The following SMIM35 variants were observed in gnomAD, a reference collection of about 807,000 sequenced individuals.
SMIM35 encodes small integral membrane protein 35.
intron 1 of SMIM35, among the ~76,000 whole-genome samples, chr11:118,077,857 C>T (rs1270411827): frequency 6.6e-6 from 1 of 151,554 alleles, no homozygotes; most frequent in Non-Finnish European, 1.5e-5. Context: ...ACTAAAAATA[C>T]AAAAAATTAG....
chr11:118,080,081 T>C (rs611475), intron 1 of SMIM35, among the ~76,000 whole-genome samples: 27,069 of 152,148 alleles, frequency 0.18, 2,657 homozygotes, highest in East Asian at 0.41. Context: ...TAAATGGGGC[T>C]GGGGATTGGG....
At chr11:118,035,046 G>A (rs1037860731) in intron 1 of SMIM35, among the ~76,000 whole-genome samples, 2 of 151,866 alleles carry the variant, frequency 1.3e-5, no homozygotes, top group Admixed American at 1.3e-4. Context: ...CCAACTCCTG[G>A]GTTCAAGCGA....
intron 1 of SMIM35, among the ~76,000 whole-genome samples, chr11:118,068,736 T>A (rs1944524482): frequency 6.6e-6 from 1 of 152,120 alleles, no homozygotes; most frequent in Admixed American, 6.5e-5. Flanking sequence ...AGATGAAATC[T>A]ACTGGGAAAA....
At chr11:118,013,675 T>C (rs1206459560) in intron 4 of SMIM35, 73 bp downstream of exon 4, 1 of 396,254 alleles carries the variant, frequency 2.5e-6, no homozygotes, top group Non-Finnish European at 4.4e-6. Context: ...GTGCGAGGCT[T>C]GGGTGACTGG....
intron 1 of SMIM35, chr11:118,029,745 A>G (rs1224747042): frequency 2.2e-6 from 1 of 457,404 alleles, no homozygotes; most frequent in East Asian, 6.9e-5. Context: ...CACCAGCACC[A>G]GACTGCCAAA....
intron 1 of SMIM35, among the ~76,000 whole-genome samples, chr11:118,046,774 C>A (rs1014467102): frequency 6.6e-6 from 1 of 152,152 alleles, no homozygotes; most frequent in South Asian, 2.1e-4. Context: ...AGACTGACAC[C>A]GTTTGAGTCT....
intron 1 of SMIM35, among the ~76,000 whole-genome samples, chr11:118,048,544 AGGAAGGAAGGAAGGAAG>A (rs1251107163): frequency 0.062 from 1,020 of 16,440 alleles, 25 homozygotes; most frequent in African/African-American, 0.12. Context: ...GAAAGAAGGA[AGGAAGGAAGGAAGGAAG>A]GAAGGAAGGA....
At chr11:118,009,514 C>T (rs2058139954) in intron 4 of SMIM35, among the ~76,000 whole-genome samples, 1 of 152,094 alleles carries the variant, frequency 6.6e-6, no homozygotes, top group Admixed American at 6.5e-5. Context: ...ATGGGCCAGA[C>T]TTGGAACCTG....
chr11:118,031,947 G>A (rs1285669742), intron 1 of SMIM35: 1 of 151,904 alleles, frequency 6.6e-6, no homozygotes, highest in African/African-American at 2.4e-5. Flanking sequence ...AGACCAGCCT[G>A]GGCAAATGGC....
At chr11:118,030,858 G>A (rs2058313228) in intron 1 of SMIM35, among the ~76,000 whole-genome samples, 1 of 152,024 alleles carries the variant, frequency 6.6e-6, no homozygotes, top group South Asian at 2.1e-4. Context: ...AGGGGTTATG[G>A]CCCACCAAGT....
intron 1 of SMIM35, among the ~76,000 whole-genome samples, chr11:118,039,046 T>C (rs1943958313): frequency 6.6e-6 from 1 of 152,090 alleles, no homozygotes; most frequent in Non-Finnish European, 1.5e-5. Flanking sequence ...GATTTGGGGC[T>C]TTATAATAAG....
chr11:118,030,800 G>A (rs141608074), intron 1 of SMIM35, among the ~76,000 whole-genome samples: 13 of 152,238 alleles, frequency 8.5e-5, no homozygotes, highest in African/African-American at 2.9e-4. Context: ...AGCCTGGTAT[G>A]TGGAGTCAAA....
At chr11:118,025,395 T>C (rs923593103) in intron 1 of SMIM35, 2 of 379,252 alleles carry the variant, frequency 5.3e-6, no homozygotes, top group African/African-American at 4.2e-5. Context: ...CATTTTAATT[T>C]ACATTTCGAC....
intron 1 of SMIM35, chr11:118,029,986 G>A: frequency 1.7e-5 from 6 of 348,688 alleles, no homozygotes; most frequent in South Asian, 1.3e-4. Flanking sequence ...ACTAGAGCCT[G>A]GTTATCCATG....
chr11:118,040,975 C>A (rs988337975), intron 1 of SMIM35, among the ~76,000 whole-genome samples: 4 of 151,112 alleles, frequency 2.6e-5, no homozygotes, highest in African/African-American at 4.9e-5. Flanking sequence ...ATAATGTATA[C>A]CATATATAAC....
At chr11:118,064,791 G>A (rs1944444418) in intron 1 of SMIM35, among the ~76,000 whole-genome samples, 1 of 152,168 alleles carries the variant, frequency 6.6e-6, no homozygotes, top group South Asian at 2.1e-4. Flanking sequence ...CTACAGGCAT[G>A]TGCCACCACG....
intron 4 of SMIM35, among the ~76,000 whole-genome samples, chr11:118,010,943 T>C (rs1049735372): frequency 6.6e-6 from 1 of 152,210 alleles, no homozygotes; most frequent in Non-Finnish European, 1.5e-5. Context: ...AACCTGTGGC[T>C]GGGTTTCCAG....
chr11:118,044,523 G>A (rs899251620), intron 1 of SMIM35, among the ~76,000 whole-genome samples: 10 of 152,160 alleles, frequency 6.6e-5, no homozygotes, highest in Middle Eastern at 3.4e-3. Flanking sequence ...CTTCTAGGAT[G>A]GGTGCGGTGA....
chr11:118,065,406 G>T (rs570075561), intron 1 of SMIM35, among the ~76,000 whole-genome samples: 2 of 152,318 alleles, frequency 1.3e-5, no homozygotes, highest in Non-Finnish European at 2.9e-5. Flanking sequence ...AGGGCCTGGA[G>T]GCAGGGAACC....
Sources: allele counts gnomAD v4.1 joint callset (sites outside exome capture counted in the v4.1 genomes callset), GRCh38; gene constraint gnomAD v4.1.1; transcripts MANE v1.5; gene names NCBI Gene and HGNC (gene_info 2026-07-23, HGNC 2026-07-21).